RFX3: variants seen among roughly 807,000 people sequenced by gnomAD.
The protein encoded by RFX3 is transcription factor RFX3.
In RFX3, 14 loss-of-function variants were observed where a neutral mutation model predicts 98.6. The ratio of observed to expected loss-of-function variants is 0.14; its 90% CI spans 0.09 to 0.22. The LOEUF is 0.22. Among genes scored for constraint, RFX3 ranks in the 10% least tolerant of loss-of-function variants. The probability of loss-of-function intolerance (pLI) is 1.00; values close to 1 mark genes in which losing one functional copy is unlikely to be tolerated. For missense variants in RFX3, 639 were observed against 926.9 expected (o/e 0.69, Z 4.03); for synonymous variants, 383 against 328.4 (o/e 1.17, Z -1.80).
chr9:3,448,923 C>T (rs753607093), intron 1 of RFX3, among the ~76,000 whole-genome samples: 13 of 152,180 alleles, frequency 8.5e-5, no homozygotes, highest in African/African-American at 1.2e-4. Context: ...CAAAGAAGTA[C>T]TGATGGGTGA....
In RFX3 at chr9:3,277,330, C is replaced by T; in HGVS notation, c.973+10G>A. ...TAGTAGCAACTAATATGCATTACAC[C>T]TTAACATACCTAAAAACTGTTGATG... On this transcript the variant is annotated intron_variant, in intron 8 of 16. Transcript: ENST00000617270. 1.2e-6 allele frequency: 2 copies of T among 1,611,954 alleles called. No homozygotes were observed. The highest frequency in any genetic ancestry group is 1.7e-6 in the Non-Finnish European group (2 of 1,178,496).
chr9:3,281,271 C>T (rs561438899), intron 7 of RFX3, among the ~76,000 whole-genome samples: 13 of 151,074 alleles, frequency 8.6e-5, no homozygotes, highest in Non-Finnish European at 1.6e-4. Context: ...ATTCTCTATA[C>T]TCTTCATAAA....
chr9:3,240,357 C>A (rs1819752221), intron 15 of RFX3, among the ~76,000 whole-genome samples: 1 of 152,140 alleles, frequency 6.6e-6, no homozygotes, highest in Non-Finnish European at 1.5e-5. Context: ...ATAGAACGAA[C>A]CTTGCTCCTA....
chr9:3,258,450 C>A (rs1218541953), intron 13 of RFX3, among the ~76,000 whole-genome samples: 1 of 152,116 alleles, frequency 6.6e-6, no homozygotes, highest in Non-Finnish European at 1.5e-5. Context: ...ATTCAAGGGA[C>A]ATTTCAACCT....
chr9:3,367,865 G>A (rs899476636), intron 2 of RFX3, among the ~76,000 whole-genome samples: 1 of 152,176 alleles, frequency 6.6e-6, no homozygotes, highest in African/African-American at 2.4e-5. Context: ...AGGACAAGAC[G>A]AAATCTCAAA....
rs1587349093 is a variant in RFX3 at position 3,367,321 on chromosome 9, T to G, written c.118-20557A>C. On this transcript the variant is annotated intron_variant, in intron 2 of 16. Transcript: ENST00000617270. ...CTCTAGGAGTGGGGAACAGATCCCA[T>G]CAGACAGCCAACAAGATAACACAGA... Among the ~76,000 whole-genome samples, 3 of 152,178 alleles carry G rather than the reference T, an allele frequency of 2.0e-5. No homozygotes were observed. In the South Asian group the frequency reaches 6.3e-4, roughly 32 times the overall value.
intron 5 of RFX3, among the ~76,000 whole-genome samples, chr9:3,295,066 C>T (rs1827831200): frequency 6.6e-6 from 1 of 152,000 alleles, no homozygotes; most frequent in Admixed American, 6.6e-5. Flanking sequence ...AACATGATTT[C>T]TGAGTATTCT....
chr9:3,525,562 T>C (rs905574144), intron 1 of RFX3, among the ~76,000 whole-genome samples, 185 bp downstream of exon 1: 3 of 151,832 alleles, frequency 2.0e-5, no homozygotes, highest in Non-Finnish European at 2.9e-5. Context: ...GCAGGGTCCA[T>C]TGTAAACAAG....
At chr9:3,230,951 C>T (rs1818370564) in intron 15 of RFX3, among the ~76,000 whole-genome samples, 1 of 152,194 alleles carries the variant, frequency 6.6e-6, no homozygotes, top group African/African-American at 2.4e-5. Flanking sequence ...GAAAACATGA[C>T]AACTTCCTTA....
chr9:3,501,450 G>C (rs1164876839), intron 1 of RFX3, among the ~76,000 whole-genome samples: 1 of 151,652 alleles, frequency 6.6e-6, no homozygotes, highest in African/African-American at 2.4e-5. Context: ...TATTTCTCCT[G>C]ACAGACTATT....
At chr9:3,397,803 G>A (rs1049152621) in intron 1 of RFX3, among the ~76,000 whole-genome samples, 4 of 152,118 alleles carry the variant, frequency 2.6e-5, no homozygotes, top group African/African-American at 7.2e-5. Context: ...TTCAACACAC[G>A]CTAAGAATTC....
intron 15 of RFX3, among the ~76,000 whole-genome samples, chr9:3,233,704 T>C (rs907723971): frequency 6.6e-6 from 1 of 152,186 alleles, no homozygotes; most frequent in Non-Finnish European, 1.5e-5. Flanking sequence ...GTTATACGTA[T>C]CATTAATTCT....
chr9:3,272,124 C>T (rs1824573576), intron 9 of RFX3, among the ~76,000 whole-genome samples: 1 of 151,986 alleles, frequency 6.6e-6, no homozygotes, highest in South Asian at 2.1e-4. Flanking sequence ...GTAAATAAGC[C>T]TTCAGGTAAA....
At position 3,504,811 on chromosome 9, in the gene RFX3, A is replaced by G. The variant is rs1286647128; in HGVS notation, c.-9+20936T>C. Among the ~76,000 whole-genome samples the G allele has an allele frequency of 1.1e-4, 7 of 61,592 alleles. 1 individual carries two copies. In the South Asian group the frequency reaches 1.2e-3, roughly 10 times the overall value. 40.4% of individuals were successfully genotyped at this position (61,592 alleles called of 152,430 possible). On this transcript the variant is annotated intron_variant, in intron 1 of 16. Transcript: ENST00000617270. ...AAATATATATTATATTATATATAAA[A>G]TATATATTATATATAAAATATGTAT...
At chr9:3,295,051 G>A (rs758793993) in intron 5 of RFX3, among the ~76,000 whole-genome samples, 19 of 151,988 alleles carry the variant, frequency 1.3e-4, no homozygotes, top group African/African-American at 4.1e-4. Flanking sequence ...TTCCAGGGGC[G>A]CTTAAACATG....
chr9:3,373,121 G>T (rs867602064), intron 2 of RFX3, among the ~76,000 whole-genome samples: 3 of 152,110 alleles, frequency 2.0e-5, no homozygotes, highest in Non-Finnish European at 4.4e-5. Flanking sequence ...AGGTGTGTCA[G>T]TAGGTATGGG....
At chr9:3,524,012 C>A (rs1213434630) in intron 1 of RFX3, among the ~76,000 whole-genome samples, 1 of 152,156 alleles carries the variant, frequency 6.6e-6, no homozygotes, top group Non-Finnish European at 1.5e-5. Flanking sequence ...TTGACAATCT[C>A]AAGAATAATT....
At chr9:3,416,543 C>G (rs1842997745) in intron 1 of RFX3, among the ~76,000 whole-genome samples, 1 of 152,138 alleles carries the variant, frequency 6.6e-6, no homozygotes, top group South Asian at 2.1e-4. Flanking sequence ...GAGAAATTCT[C>G]AAAGTTCCCA....
chr9:3,301,509 G>C (rs773907978), intron 5 of RFX3, 37 bp downstream of exon 5: 7 of 1,408,966 alleles, frequency 5.0e-6, no homozygotes, highest in Non-Finnish European at 5.0e-6. Flanking sequence ...TGCAGAACAA[G>C]CAAGAGATTA....
Sources: gnomAD v4.1 joint callset for allele counts (sites outside exome capture counted in the v4.1 genomes callset) on GRCh38, gnomAD v4.1.1 for gene constraint, MANE v1.5 for transcripts, NCBI Gene and HGNC (gene_info 2026-07-23, HGNC 2026-07-21) for gene names.